The following KCNN2 variants were observed in gnomAD, a reference collection of about 807,000 sequenced individuals.
KCNN2 encodes the protein small conductance calcium-activated potassium channel protein 2.
A neutral mutation model predicts 55.5 loss-of-function variants in KCNN2; 24 were observed. The ratio of observed to expected loss-of-function variants is 0.43; its 90% CI spans 0.31 to 0.61. The LOEUF is 0.61. Ranked by LOEUF, KCNN2 falls within the 20% of genes least tolerant of loss-of-function variation. The pLI is 0.08. For synonymous variants in KCNN2, 431 were observed against 336.1 expected (o/e 1.28, Z -3.09); for missense variants, 754 against 853.6 (o/e 0.88, Z 1.45).
intron 2 of KCNN2, among the ~76,000 whole-genome samples, chr5:114,274,013 T>G (rs995475822): frequency 1.3e-5 from 2 of 152,206 alleles, no homozygotes; most frequent in African/African-American, 2.4e-5. Flanking sequence ...AGTTAATTTT[T>G]GTATAAGGTG....
At position 114,272,463 on chromosome 5, in the gene KCNN2, TC is replaced by T. The variant is rs1287504376; in HGVS notation, c.-185+50899del. On this transcript the variant is annotated intron_variant, in intron 2 of 10. Coordinates refer to the KCNN2 transcript ENST00000512097. The stretch of plus-strand genomic sequence containing the variant: ...ATATACACACATATGTATGTACATA[TC>T]ATACACACATATGTATGTACATATC... Among the ~76,000 whole-genome samples, 20 of 7,552 alleles carry T rather than the reference TC, an allele frequency of 2.6e-3. 1 individual carries two copies. The highest frequency in any genetic ancestry group is 8.3e-3 in the Non-Finnish European group (5 of 606). The allele number at this position is 7,552 out of a possible 152,430, so 5.0% of individuals were successfully genotyped here.
rs34472228 is a variant in KCNN2 at position 114,483,273 on chromosome 5, C to CT, written c.1891-3758dup. On this transcript the variant is annotated intron_variant, in intron 5 of 7. Coordinates refer to ENST00000673685, the MANE Select transcript of KCNN2 (RefSeq NM_021614.4). Reference sequence around the variant, plus strand: ...ATGTAGTAGTAGTGTTTCTTTCTTTCTTTTTTTTTTTTTTTTTTTGAGAGA... The same window carrying CT: ...ATGTAGTAGTAGTGTTTCTTTCTTTCTTTTTTTTTTTTTTTTTTTTGAGAGA... Among the ~76,000 whole-genome samples, 470 of 108,016 alleles carry CT rather than the reference C, an allele frequency of 4.4e-3. 4 individuals carry two copies. The highest frequency in any genetic ancestry group is 0.015 in the African/African-American group (448 of 29,676). The allele number at this position is 108,016 out of a possible 152,430, so 70.9% of individuals were successfully genotyped here. A position where few individuals can be genotyped will look rare whatever the true frequency, so the allele number is the denominator to read the frequency against.
intron 2 of KCNN2, among the ~76,000 whole-genome samples, chr5:114,301,655 C>G (rs1242615710): frequency 1.3e-5 from 2 of 152,098 alleles, no homozygotes; most frequent in Non-Finnish European, 2.9e-5. Flanking sequence ...ATAACTTGCC[C>G]CATTGGCTCC....
chr5:114,150,022 G>A (rs991728354), intron 1 of KCNN2, among the ~76,000 whole-genome samples: 2 of 152,132 alleles, frequency 1.3e-5, no homozygotes, highest in African/African-American at 4.8e-5. Flanking sequence ...TTCTGGGATA[G>A]GAATCTTGGT....
intron 2 of KCNN2, among the ~76,000 whole-genome samples, chr5:114,256,649 A>C (rs1004038054): frequency 2.0e-5 from 3 of 151,684 alleles, no homozygotes; most frequent in Admixed American, 1.3e-4. Flanking sequence ...TTTTCATATG[A>C]TTTTTTACCA....
At chr5:114,334,029 T>C (rs185745922) in intron 2 of KCNN2, among the ~76,000 whole-genome samples, 2 of 152,342 alleles carry the variant, frequency 1.3e-5, no homozygotes, top group Admixed American at 6.5e-5. Context: ...TCTTCACATG[T>C]TTTGTGGGTT....
At chr5:114,065,830 C>G (rs540222612) in intron 1 of KCNN2, among the ~76,000 whole-genome samples, 1 of 121,968 alleles carries the variant, frequency 8.2e-6, no homozygotes, top group South Asian at 2.7e-4. Context: ...GAGCTTTTAG[C>G]TATTCTCCTA....
intron 3 of KCNN2, among the ~76,000 whole-genome samples, chr5:114,449,906 A>ACG (rs1462845600): frequency 5.5e-4 from 16 of 29,216 alleles, no homozygotes; most frequent in Admixed American, 1.3e-3. Context: ...ACACACACAC[A>ACG]CACGCGCGCG....
At chr5:114,178,147 TG>T (rs753992542) in intron 1 of KCNN2, among the ~76,000 whole-genome samples, 95 of 152,284 alleles carry the variant, frequency 6.2e-4, no homozygotes, top group Non-Finnish European at 1.1e-3. Flanking sequence ...ATCAGTAAAA[TG>T]TTTTTTACAT....
chr5:114,447,552 A>AT (rs1760465912), intron 3 of KCNN2, among the ~76,000 whole-genome samples: 1 of 152,194 alleles, frequency 6.6e-6, no homozygotes, highest in Non-Finnish European at 1.5e-5. Flanking sequence ...GGTCTGTTTG[A>AT]TTTTTGTAAT....
rs78964283 is a variant in KCNN2 at position 114,265,969 on chromosome 5, C to T, written c.-185+44404C>T. On this transcript the variant is annotated intron_variant, in intron 2 of 10. Coordinates refer to the KCNN2 transcript ENST00000512097. Reference sequence around the variant, plus strand: ...CAATAGCCTCTAGAGTATCACTGTCCATTAGAGATAGAGGGCAGTTTACAT... The same window carrying T: ...CAATAGCCTCTAGAGTATCACTGTCTATTAGAGATAGAGGGCAGTTTACAT... 4.1e-4 allele frequency among the ~76,000 whole-genome samples: 63 copies of T among 152,114 alleles called. No homozygotes were observed. The East Asian group carries it at 0.011, about 27-fold the overall frequency.
At chr5:114,273,125 T>C (rs1554078573) in intron 2 of KCNN2, among the ~76,000 whole-genome samples, 1 of 152,088 alleles carries the variant, frequency 6.6e-6, no homozygotes, top group Non-Finnish European at 1.5e-5. Flanking sequence ...GAACACATGG[T>C]GTTTGGTTTT....
At chr5:114,145,329 C>A (rs1161415595) in intron 1 of KCNN2, among the ~76,000 whole-genome samples, 1 of 152,202 alleles carries the variant, frequency 6.6e-6, no homozygotes, top group Admixed American at 6.5e-5. Context: ...TCCTTCTGAA[C>A]TAACACAATC....
intron 1 of KCNN2, among the ~76,000 whole-genome samples, chr5:114,205,961 C>T (rs576387882): frequency 1.3e-5 from 2 of 152,190 alleles, no homozygotes; most frequent in African/African-American, 4.8e-5. Flanking sequence ...CTAAATGGTA[C>T]CAAATAATAA....
intron 2 of KCNN2, among the ~76,000 whole-genome samples, chr5:114,242,834 A>T (rs1030033352): frequency 5.9e-5 from 9 of 152,234 alleles, no homozygotes; most frequent in African/African-American, 2.2e-4. Context: ...TGCTTCCCCT[A>T]TTACAAATTA....
intron 1 of KCNN2, among the ~76,000 whole-genome samples, chr5:114,129,313 C>T (rs554220237): frequency 6.6e-6 from 1 of 152,254 alleles, no homozygotes; most frequent in South Asian, 2.1e-4. Flanking sequence ...TGAGGAAAGT[C>T]TTCTGTTTGA....
At position 114,449,908 on chromosome 5, in the gene KCNN2, A is replaced by ACACACACACACACACGCGCGCGCG. The variant is rs1309590184; in HGVS notation, c.1638-13140_1638-13139insACACACACACACACGCGCGCGCGC. On this transcript the variant is annotated intron_variant, in intron 3 of 7. Coordinates refer to ENST00000673685, the MANE Select transcript of KCNN2 (RefSeq NM_021614.4). The stretch of plus-strand genomic sequence containing the variant: ...CACACACACACACACACACACACAC[A>ACACACACACACACACGCGCGCGCG]CGCGCGCGCTCGCGTGCGCGCACTC... Among the ~76,000 whole-genome samples the ACACACACACACACACGCGCGCGCG allele has an allele frequency of 3.9e-4, 26 of 66,166 alleles. 1 individual carries two copies. The East Asian group carries it at 9.4e-3, about 24-fold the overall frequency. The allele number at this position is 66,166 out of a possible 152,430, so 43.4% of individuals were successfully genotyped here.
intron 5 of KCNN2, among the ~76,000 whole-genome samples, chr5:114,473,970 C>G (rs1230686057): frequency 7.2e-5 from 11 of 152,106 alleles, no homozygotes; most frequent in Admixed American, 3.3e-4. Context: ...TCACTTGAGA[C>G]AAATACCAAA....
intron 2 of KCNN2, among the ~76,000 whole-genome samples, chr5:114,372,108 C>T (rs1654910340): frequency 6.6e-6 from 1 of 152,108 alleles, no homozygotes; most frequent in African/African-American, 2.4e-5. Flanking sequence ...TTGGAAAATC[C>T]TGTGTGTGGA....
Sources: allele counts gnomAD v4.1 joint callset (sites outside exome capture counted in the v4.1 genomes callset), GRCh38; gene constraint gnomAD v4.1.1; transcripts MANE v1.5; gene names NCBI Gene and HGNC (gene_info 2026-07-23, HGNC 2026-07-21).